Variants in GCN1 observed in about 807,000 individuals in gnomAD.
GCN1 encodes GCN1 activator of EIF2AK4.
A neutral mutation model predicts 288.4 loss-of-function variants in GCN1; 90 were observed. The observed-to-expected ratio is 0.31, with a 90% CI of 0.26 to 0.37. The LOEUF is 0.37. GCN1 is among the 10% of genes least tolerant of loss of function. GCN1 has a pLI of 1.00. For synonymous variants in GCN1, 1,386 were observed against 1,420.2 expected (o/e 0.98, Z 0.54); for missense variants, 2,586 against 3,419.9 (o/e 0.76, Z 6.08).
intron 36 of GCN1, 107 bp downstream of exon 36, chr12:120,149,499 C>T (rs1877470120): frequency 1.3e-6 from 1 of 767,522 alleles, no homozygotes; most frequent in African/African-American, 1.7e-5. Flanking sequence ...AACCCTATCC[C>T]TGGTCTGGGG....
At chr12:120,149,859 C>G in intron 35 of GCN1, 63 bp downstream of exon 35, 1 of 1,605,508 alleles carries the variant, frequency 6.2e-7, no homozygotes, top group Non-Finnish European at 8.5e-7. Flanking sequence ...GGCCTGCAGA[C>G]ACAGCTGGGA....
At position 120,174,055 on chromosome 12, in the gene GCN1, T is replaced by C; in HGVS notation, c.1192+16A>G. ...ATGAGTACAGAACGCATGCTCACCA[T>C]GTTGCACAGAATTACCTTCCTGCTG... On this transcript the variant is annotated intron_variant, in intron 13 of 57. Transcript: ENST00000300648. 1.4e-6 allele frequency: 2 copies of C among 1,454,688 alleles called. No homozygotes were observed. Among genetic ancestry groups the C allele is most frequent in the South Asian group, 1.1e-5 (1 of 87,678 alleles). The allele number at this position is 1,454,688 out of a possible 1,614,324, so 90.1% of individuals were successfully genotyped here. A position where few individuals can be genotyped will look rare whatever the true frequency, so the allele number is the denominator to read the frequency against.
intron 45 of GCN1, 119 bp from the exon 46 acceptor site, chr12:120,138,975 G>T (rs572161427): frequency 2.5e-6 from 2 of 793,014 alleles, no homozygotes; most frequent in East Asian, 2.6e-5. Flanking sequence ...CTCTTTGCCT[G>T]ACTTGTCTTT....
intron 57 of GCN1, among the ~76,000 whole-genome samples, chr12:120,128,345 T>C (rs1380208306): frequency 6.6e-6 from 1 of 151,802 alleles, no homozygotes; most frequent in Non-Finnish European, 1.5e-5. Context: ...GGGCTTTTTT[T>C]TTTTTTGGAG....
chr12:120,181,821 A>G lies in GCN1; in HGVS notation c.426+1748T>C, dbSNP rs376280000. On this transcript the variant is annotated intron_variant, in intron 5 of 57. Transcript: ENST00000300648. ...GCCATTGCACTCCAGCCTATGCAAC[A>G]AGAGTAAAACTCCGTCTCAAAAAAA... Among the ~76,000 whole-genome samples, 10 of 143,222 alleles carry G rather than the reference A, an allele frequency of 7.0e-5. No individual in the cohort carries two copies. The East Asian group carries it at 8.3e-4, about 12-fold the overall frequency. 94.0% of individuals were successfully genotyped at this position (143,222 alleles called of 152,430 possible).
At chr12:120,190,274 G>T (rs1344653463) in intron 2 of GCN1, 24 bp downstream of exon 2, 12 of 1,098,666 alleles carry the variant, frequency 1.1e-5, no homozygotes, top group Non-Finnish European at 1.7e-5. Context: ...TATTGTCCAG[G>T]GTATGTGGAT....
chr12:120,149,725 A>T lies in GCN1; in HGVS notation c.4432-5T>A. 1 of 1,611,528 alleles carries T rather than the reference A, an allele frequency of 6.2e-7. No homozygotes were observed. Among genetic ancestry groups the T allele is most frequent in the Admixed American group, 1.7e-5 (1 of 60,024 alleles). ...CTTGGCACAGTCATCTGCAGCCTCAAGGGGGGAGAAAACACATTCAGGGGC... is the reference window on the plus strand; with the variant it reads ...CTTGGCACAGTCATCTGCAGCCTCATGGGGGGAGAAAACACATTCAGGGGC... On this transcript the variant is annotated splice_region_variant and splice_polypyrimidine_tract_variant and intron_variant, in intron 35 of 57. Transcript: ENST00000300648.
chr12:120,137,829 G>A lies in GCN1; in HGVS notation c.6394-15C>T, dbSNP rs73412808. 4.3e-4 allele frequency: 699 copies of A among 1,613,180 alleles called. 4 individuals carry two copies. In the African/African-American group the frequency reaches 8.1e-3, roughly 19 times the overall value. On this transcript the variant is annotated splice_polypyrimidine_tract_variant and intron_variant, in intron 48 of 57. Coordinates refer to ENST00000300648, the MANE Select transcript of GCN1 (RefSeq NM_006836.2). The surrounding 1 kb of genome is among the most constrained non-coding windows in gnomAD (Gnocchi z 5.2). ...TTGGCCATCTCCTGCAAACCACAAG[G>A]GACATGTGTGCTGAGCAGGGATCCT...
Position 120,159,893 on chromosome 12 carries a change from G to A in GCN1, c.2681C>T (p.Ala894Val). ...CAAGAAGGGGTTCTTGATCCTGGGA[G>A]CAGCCAGGGGAGACTTCAGCAAGGG... ...FLPLLKSPLA[A>V]PRIKNPFLSL... Residue 894 changes from alanine (A) to valine (V), a missense_variant, in exon 24 of 58, where the codon GCT becomes GTT. Coordinates refer to ENST00000300648, the MANE Select transcript of GCN1 (RefSeq NM_006836.2). 1 of 1,614,182 alleles carries A rather than the reference G, an allele frequency of 6.2e-7. No homozygotes were observed. The highest frequency in any genetic ancestry group is 8.5e-7 in the Non-Finnish European group (1 of 1,180,002).
intron 16 of GCN1, among the ~76,000 whole-genome samples, chr12:120,167,623 T>C (rs1335992181): frequency 6.6e-6 from 1 of 152,206 alleles, no homozygotes; most frequent in African/African-American, 2.4e-5. Context: ...CTTGTATCTA[T>C]TTTTGAATTA....
chr12:120,160,324 G>C, intron 22 of GCN1, 69 bp from the exon 23 acceptor site: 1 of 1,121,268 alleles, frequency 8.9e-7, no homozygotes, highest in Non-Finnish European at 1.3e-6. Context: ...ACAGAGGAAG[G>C]TGAGCTTGCT....
intron 57 of GCN1, among the ~76,000 whole-genome samples, chr12:120,128,275 C>G (rs547643226): frequency 6.6e-6 from 1 of 151,942 alleles, no homozygotes; most frequent in South Asian, 2.1e-4. Flanking sequence ...CAGGCATGAG[C>G]CATCGCACCT....
In GCN1 at chr12:120,142,216, C is replaced by T. The variant is rs931112149; in HGVS notation, c.5829+291G>A. Among the ~76,000 whole-genome samples the T allele has an allele frequency of 6.6e-5, 10 of 152,222 alleles. No individual in the cohort carries two copies. The South Asian group carries it at 8.3e-4, about 13-fold the overall frequency. On this transcript the variant is annotated intron_variant, in intron 44 of 57. Transcript: ENST00000300648. This position sits in a 1 kb window ranked among gnomAD's most constrained non-coding sequence, Gnocchi z 4.9. The stretch of plus-strand genomic sequence containing the variant: ...TGGTGGATGCCTGTAGTCCCAGCTA[C>T]TCGGGAGGCTGAGGCAGGAGAATGG...
intron 45 of GCN1, 96 bp downstream of exon 45, chr12:120,140,763 C>G (rs750704508): frequency 2.6e-4 from 318 of 1,204,074 alleles, no homozygotes; most frequent in Non-Finnish European, 3.5e-4. Flanking sequence ...GCAGCACAAA[C>G]CCCCTAGAGG....
chr12:120,182,614 T>G (rs1375635080), intron 5 of GCN1, among the ~76,000 whole-genome samples: 1 of 152,124 alleles, frequency 6.6e-6, no homozygotes, highest in Non-Finnish European at 1.5e-5. Context: ...GCTCAGAAGT[T>G]AAGTGACTCA....
Position 120,163,247 on chromosome 12 carries a change from C to G in GCN1, c.1861G>C (p.Glu621Gln), listed in dbSNP as rs1255488723. ...TCTCCAGCATCAGTCACCAAAGCCT[C>G]TAAGGGCAGCACCTGTGTGGAGACA... ...VLSSHKVLPL[E>Q]ALVTDAGEVT... Residue 621 changes from glutamate (E) to glutamine (Q), a missense_variant, in exon 19 of 58, where the codon GAG becomes CAG. Glu to Gln is a conservative substitution (Grantham distance 29). Transcript: ENST00000300648. 1.9e-6 allele frequency: 3 copies of G among 1,613,878 alleles called. No homozygotes were observed. The African/African-American group carries it at 4.0e-5, about 21-fold the overall frequency.
intron 36 of GCN1, among the ~76,000 whole-genome samples, chr12:120,148,999 TTG>T (rs1160312265): frequency 8.6e-5 from 13 of 151,078 alleles, no homozygotes; most frequent in Non-Finnish European, 8.9e-5. Flanking sequence ...TTTTTTTTTT[TTG>T]GTAGAGGTAG....
chr12:120,183,501 T>C (rs1878729727), intron 5 of GCN1, 68 bp downstream of exon 5: 21 of 968,980 alleles, frequency 2.2e-5, no homozygotes, highest in Middle Eastern at 4.2e-4. Context: ...ACCAAGAAGG[T>C]GCTGAAACAT....
rs76409620 is a variant in GCN1 at position 120,132,616 on chromosome 12, A to G, written c.7318-594T>C. ...GCCACTAATCAAGCCAAGGAAGATA[A>G]GGAAAGGCAAGCACTTCCTGTTCAA... is the stretch of plus-strand genomic sequence containing the variant. On this transcript the variant is annotated intron_variant, in intron 53 of 57. Coordinates refer to ENST00000300648, the MANE Select transcript of GCN1 (RefSeq NM_006836.2). 6.1e-3 allele frequency among the ~76,000 whole-genome samples: 935 copies of G among 152,352 alleles called. 9 individuals are homozygous for G. The highest frequency in any genetic ancestry group is 0.022 in the African/African-American group (896 of 41,590).
Sources: allele counts gnomAD v4.1 joint callset (sites outside exome capture counted in the v4.1 genomes callset), GRCh38; gene constraint gnomAD v4.1.1; non-coding constraint Gnocchi (gnomAD v3.1); transcripts MANE v1.5; gene names NCBI Gene and HGNC (gene_info 2026-07-23, HGNC 2026-07-21).